ADCY3: variants seen among roughly 807,000 people sequenced by gnomAD.
The protein encoded by ADCY3 is adenylate cyclase type 3.
ADCY3 carries 70 observed loss-of-function variants against 119.4 expected under a neutral mutation model. The observed-to-expected ratio is 0.59, with a 90% CI of 0.48 to 0.72. The LOEUF is 0.72. ADCY3 is among the 30% of genes least tolerant of loss of function. The pLI, the probability that ADCY3 is intolerant of heterozygous loss-of-function variation, is 0.00. For missense variants in ADCY3, 1,238 were observed against 1,541.6 expected, an observed-to-expected ratio of 0.80 and a Z score of 3.30; for synonymous variants, 672 against 621.4, an observed-to-expected ratio of 1.08 and a Z score of -1.21.
At chr2:24,891,817 T>A (rs1420130183) in intron 2 of ADCY3, among the ~76,000 whole-genome samples, 1 of 152,248 alleles carries the variant, frequency 6.6e-6, no homozygotes, top group African/African-American at 2.4e-5. Flanking sequence ...CCAACTGTTA[T>A]AACTGTTCTA....
chr2:24,883,631 T>C (rs1050895357), intron 2 of ADCY3, among the ~76,000 whole-genome samples: 2 of 152,242 alleles, frequency 1.3e-5, no homozygotes, highest in African/African-American at 4.8e-5. Context: ...TTCTTACCTA[T>C]AAGCAACACT....
At chr2:24,859,535 A>C (rs1214811593) in intron 3 of ADCY3, among the ~76,000 whole-genome samples, 5 of 152,340 alleles carry the variant, frequency 3.3e-5, no homozygotes, top group African/African-American at 1.2e-4. Flanking sequence ...CCTAATAGCA[A>C]AAGGTCTTGG....
At chr2:24,871,442 C>T (rs954079771) in intron 3 of ADCY3, among the ~76,000 whole-genome samples, 3 of 152,166 alleles carry the variant, frequency 2.0e-5, no homozygotes, top group Admixed American at 6.5e-5. Flanking sequence ...GATTGGTAAA[C>T]GGGGAGGAAG....
At chr2:24,911,637 CAAAAAAAAA>C (rs60134317) in intron 2 of ADCY3, among the ~76,000 whole-genome samples, 18 of 106,136 alleles carry the variant, frequency 1.7e-4, no homozygotes, top group African/African-American at 4.2e-4. Context: ...GAGACAGACT[CAAAAAAAAA>C]AAAAAAAAAA....
intron 2 of ADCY3, chr2:24,877,805 G>A: frequency 2.2e-6 from 1 of 452,722 alleles, no homozygotes; most frequent in Non-Finnish European, 4.6e-6. Flanking sequence ...GAGGGAAGAG[G>A]CTCCTTGGCC....
chr2:24,897,777 G>A (rs1573020680), intron 2 of ADCY3, among the ~76,000 whole-genome samples: 2 of 152,114 alleles, frequency 1.3e-5, no homozygotes, highest in African/African-American at 4.8e-5. Flanking sequence ...GCACCAGCAG[G>A]CCCTCCGTCT....
At chr2:24,829,490 G>C (rs1192492749) in intron 13 of ADCY3, among the ~76,000 whole-genome samples, 1 of 132,878 alleles carries the variant, frequency 7.5e-6, no homozygotes, top group Non-Finnish European at 1.5e-5. Flanking sequence ...GCACAATCTC[G>C]GCTCACTGCA....
Position 24,830,829 on chromosome 2 carries a change from G to A in ADCY3, c.2056-4C>T, listed in dbSNP as rs375446621. ...CCACAAGCTTCTTAGGAAAGGCCTA[G>A]AAGGAACAGAATTTCAAGGGCCATG... On this transcript the variant is annotated splice_polypyrimidine_tract_variant and splice_region_variant and intron_variant, in intron 12 of 21. Coordinates refer to ENST00000679454, the MANE Select transcript of ADCY3 (RefSeq NM_004036.5). The A allele has an allele frequency of 8.1e-6, 13 of 1,610,990 alleles. No homozygotes were observed. The highest frequency in any genetic ancestry group is 1.1e-5 in the Non-Finnish European group (13 of 1,177,530).
In ADCY3 at chr2:24,834,810, G is replaced by A. The variant is rs766073974; in HGVS notation, c.1789C>T (p.Arg597Ter). 2.5e-6 allele frequency: 4 copies of A among 1,613,484 alleles called. No homozygotes were observed. The highest frequency in any genetic ancestry group is 1.3e-5 in the African/African-American group (1 of 74,900). Residue 597 changes from arginine (R) to a stop codon, truncating the protein, a stop_gained, in exon 10 of 22, where the codon CGA becomes TGA. Coordinates refer to ENST00000679454, the MANE Select transcript of ADCY3 (RefSeq NM_004036.5). LOFTEE classifies it high-confidence loss of function. The surrounding 1 kb of genome is among the most constrained non-coding windows in gnomAD (Gnocchi z 4.2). ...NQLLNEALLE[R>*]ESAQVVKKRN... is the part of the protein sequence containing the mutation. ...GGCGCTTACACTTGGGCGGACTCTC[G>A]CTCAAGCAGGGCCTCGTTGAGCAGC...
Position 24,821,508 on chromosome 2 carries a change from G to T in ADCY3, c.3127+9C>A, listed in dbSNP as rs1205233096. The stretch of plus-strand genomic sequence containing the variant: ...CCTGCTGCGGGGCAGGCCAGCTGGG[G>T]GTGCTCACCTATGCGCAGCATGAAG... On this transcript the variant is annotated intron_variant, in intron 20 of 21. Transcript: ENST00000679454. The T allele has an allele frequency of 6.2e-7, 1 of 1,613,700 alleles. No individual in the cohort carries two copies. Among genetic ancestry groups the T allele is most frequent in the African/African-American group, 1.3e-5 (1 of 75,060 alleles).
chr2:24,850,214 T>G (rs974013538), intron 3 of ADCY3, among the ~76,000 whole-genome samples: 1 of 152,104 alleles, frequency 6.6e-6, no homozygotes, highest in African/African-American at 2.4e-5. Context: ...TCTCGATTGG[T>G]GCTGGCCTTG....
At chr2:24,826,152 A>C (rs1182024798) in intron 15 of ADCY3, 26 bp from the exon 16 acceptor site, 2 of 1,607,004 alleles carry the variant, frequency 1.2e-6, no homozygotes, top group Non-Finnish European at 1.7e-6. Flanking sequence ...TGTGCAACTG[A>C]AAGGGCTGTC....
At chr2:24,890,554 A>G (rs999091704) in intron 2 of ADCY3, among the ~76,000 whole-genome samples, 3 of 152,136 alleles carry the variant, frequency 2.0e-5, no homozygotes, top group Admixed American at 2.0e-4. Context: ...AATTTGTCCA[A>G]TTTGTCTAAG....
chr2:24,821,947 C>T, intron 19 of ADCY3: 1 of 321,454 alleles, frequency 3.1e-6, no homozygotes, highest in Non-Finnish European at 5.8e-6. Context: ...GTCAGGTTGT[C>T]CTTGTTTGGA....
chr2:24,859,351 A>C (rs1285374506), intron 3 of ADCY3, among the ~76,000 whole-genome samples: 2 of 151,956 alleles, frequency 1.3e-5, no homozygotes, highest in Non-Finnish European at 2.9e-5. Context: ...TCCTCTTCCC[A>C]CTCTTAGTGG....
At position 24,824,448 on chromosome 2, in the gene ADCY3, T is replaced by C; in HGVS notation, c.2666A>G (p.Glu889Gly). 2 of 1,614,260 alleles carry C rather than the reference T, an allele frequency of 1.2e-6. No individual in the cohort carries two copies. The highest frequency in any genetic ancestry group is 1.7e-6 in the Non-Finnish European group (2 of 1,180,044). ...AGGCAACATGTTGGTGACCAAGGCCTCGTTCCAGCGTCGCATCTCATAGAC... is the reference window on the plus strand; with the variant it reads ...AGGCAACATGTTGGTGACCAAGGCCCCGTTCCAGCGTCGCATCTCATAGAC... ...ERVYEMRRWN[E>G]ALVTNMLPEH... Residue 889 changes from glutamate (E) to glycine (G), a missense_variant, in exon 17 of 22, where the codon GAG becomes GGG. By Grantham distance (98) the Glu-to-Gly change is moderately conservative (BLOSUM62 -2). Coordinates refer to ENST00000679454, the MANE Select transcript of ADCY3 (RefSeq NM_004036.5).
intron 20 of ADCY3, chr2:24,821,252 A>G (rs950033328): frequency 8.4e-6 from 4 of 478,118 alleles, no homozygotes; most frequent in African/African-American, 5.9e-5. Context: ...TGGATCACAA[A>G]CTCACTTCTC....
intron 19 of ADCY3, chr2:24,822,292 T>C (rs1283330947): frequency 1.2e-5 from 7 of 567,824 alleles, no homozygotes; most frequent in Non-Finnish European, 2.1e-5. Context: ...ATCTTAGGCC[T>C]GAGCTGTGAA....
chr2:24,901,138 G>A (rs547037346), intron 2 of ADCY3, among the ~76,000 whole-genome samples: 1 of 152,136 alleles, frequency 6.6e-6, no homozygotes, highest in African/African-American at 2.4e-5. Flanking sequence ...AGCAGGAAGG[G>A]GCAGGGGCAC....
Sources: gnomAD v4.1 joint callset for allele counts (sites outside exome capture counted in the v4.1 genomes callset) on GRCh38, gnomAD v4.1.1 for gene constraint, Gnocchi (gnomAD v3.1) non-coding constraint, MANE v1.5 for transcripts, NCBI Gene and HGNC (gene_info 2026-07-23, HGNC 2026-07-21) for gene names.